Variants in C8orf34 observed in about 807,000 individuals in gnomAD.
The protein encoded by C8orf34 is uncharacterized protein C8orf34.
In C8orf34, 65 loss-of-function variants were observed where a neutral mutation model predicts 68.3. That is an observed-to-expected ratio of 0.95 (90% CI 0.78 to 1.17). C8orf34 has a LOEUF of 1.17. Ranked by LOEUF, C8orf34 falls within the 50% of genes most tolerant of loss-of-function variation. The pLI, the probability that C8orf34 is intolerant of heterozygous loss-of-function variation, is 0.00. For missense variants in C8orf34, 664 were observed against 655.4 expected (o/e 1.01, Z -0.14); for synonymous variants, 244 against 241.2 (o/e 1.01, Z -0.11).
At chr8:68,652,276 T>C (rs1382663593) in intron 8 of C8orf34, among the ~76,000 whole-genome samples, 1 of 152,232 alleles carries the variant, frequency 6.6e-6, no homozygotes, top group Non-Finnish European at 1.5e-5. Context: ...TGTCTTTTAA[T>C]GGTTGAGTTG....
intron 7 of C8orf34, among the ~76,000 whole-genome samples, chr8:68,598,850 G>A (rs888415245): frequency 3.3e-5 from 5 of 152,018 alleles, no homozygotes; most frequent in African/African-American, 1.2e-4. Flanking sequence ...AAGATACAGA[G>A]GACGAGGAAG....
At chr8:68,768,839 G>A (rs1001370834) in intron 10 of C8orf34, among the ~76,000 whole-genome samples, 1 of 151,720 alleles carries the variant, frequency 6.6e-6, no homozygotes, top group Non-Finnish European at 1.5e-5. Flanking sequence ...CCCATACCTA[G>A]GCATTTTGGC....
At chr8:68,603,562 T>C (rs757429163) in intron 7 of C8orf34, among the ~76,000 whole-genome samples, 21 of 103,246 alleles carry the variant, frequency 2.0e-4, no homozygotes, top group Non-Finnish European at 3.3e-4. Flanking sequence ...TCTATCTATC[T>C]ATCTATCTAT....
Position 68,574,511 on chromosome 8 carries a change from T to C in C8orf34, c.1105+41362T>C, listed in dbSNP as rs78447803. The stretch of plus-strand genomic sequence containing the variant: ...ATAGAAAAGGTCATCTCTGCTGTAC[T>C]TCATTGTGCTTTAAAATTTTTGGAA... On this transcript the variant is annotated intron_variant, in intron 7 of 13. Coordinates refer to ENST00000518698, the MANE Select transcript of C8orf34 (RefSeq NM_052958.4). 8.2e-3 allele frequency among the ~76,000 whole-genome samples: 1,248 copies of C among 152,198 alleles called. 21 individuals are homozygous for C. The highest frequency in any genetic ancestry group is 0.028 in the African/African-American group (1,176 of 41,564).
At position 68,686,966 on chromosome 8, in the gene C8orf34, G is replaced by A. The variant is rs531256581; in HGVS notation, c.1242-22028G>A. Among the ~76,000 whole-genome samples the A allele has an allele frequency of 3.3e-5, 5 of 151,324 alleles. No individual in the cohort carries two copies. The East Asian group carries it at 5.9e-4, about 18-fold the overall frequency. Reference sequence around the variant, plus strand: ...CAATGTACACAAGTCAATAGCACTCGACAACAACCAAGCTAAGAATCAAAT... The same window carrying A: ...CAATGTACACAAGTCAATAGCACTCAACAACAACCAAGCTAAGAATCAAAT... On this transcript the variant is annotated intron_variant, in intron 8 of 13. Transcript: ENST00000518698.
chr8:68,561,618 CG>C (rs1200587614), intron 7 of C8orf34, among the ~76,000 whole-genome samples: 1 of 151,876 alleles, frequency 6.6e-6, no homozygotes, highest in Admixed American at 6.6e-5. Context: ...ATTAGCTGGA[CG>C]TGGTGGCAGA....
chr8:68,716,804 A>G (rs575314162), intron 9 of C8orf34, among the ~76,000 whole-genome samples: 1 of 152,206 alleles, frequency 6.6e-6, no homozygotes, highest in African/African-American at 2.4e-5. Context: ...AGTATCATAT[A>G]GCATGAAATA....
chr8:68,618,355 CTTA>C (rs1301306519), intron 7 of C8orf34, among the ~76,000 whole-genome samples: 1 of 151,930 alleles, frequency 6.6e-6, no homozygotes, highest in African/African-American at 2.4e-5. Context: ...GGTTGAACAT[CTTA>C]TTATTATTTT....
At chr8:68,621,867 A>T (rs1161503373) in intron 7 of C8orf34, among the ~76,000 whole-genome samples, 2 of 152,208 alleles carry the variant, frequency 1.3e-5, no homozygotes, top group South Asian at 2.1e-4. Flanking sequence ...GTAATAAATG[A>T]TCATATACTT....
intron 6 of C8orf34, among the ~76,000 whole-genome samples, chr8:68,522,746 T>C: frequency 6.6e-6 from 1 of 151,950 alleles, no homozygotes; most frequent in East Asian, 1.9e-4. Context: ...GTATCTGGGG[T>C]GAAAAATATC....
At chr8:68,615,506 C>T (rs903033702) in intron 7 of C8orf34, among the ~76,000 whole-genome samples, 14 of 152,138 alleles carry the variant, frequency 9.2e-5, no homozygotes, top group Admixed American at 3.9e-4. Flanking sequence ...TGAAGGGTTG[C>T]TGAATTTTGT....
chr8:68,600,995 T>G (rs1817681977), intron 7 of C8orf34, among the ~76,000 whole-genome samples: 1 of 152,148 alleles, frequency 6.6e-6, no homozygotes, highest in African/African-American at 2.4e-5. Context: ...AGCTCCCACA[T>G]ATAAGTGAAA....
At chr8:68,706,205 G>T (rs1321120670) in intron 8 of C8orf34, among the ~76,000 whole-genome samples, 1 of 152,208 alleles carries the variant, frequency 6.6e-6, no homozygotes, top group Non-Finnish European at 1.5e-5. Flanking sequence ...GCGGGAAAAT[G>T]GTGGGTTAAT....
chr8:68,793,227 A>C (rs1177385526), intron 12 of C8orf34, among the ~76,000 whole-genome samples: 1 of 152,208 alleles, frequency 6.6e-6, no homozygotes, highest in Non-Finnish European at 1.5e-5. Context: ...GATTGTATAA[A>C]AATAGTAAAG....
intron 5 of C8orf34, among the ~76,000 whole-genome samples, chr8:68,502,773 A>T (rs1340682290): frequency 5.3e-5 from 8 of 152,232 alleles, no homozygotes; most frequent in Non-Finnish European, 1.0e-4. Flanking sequence ...GTAGTACATT[A>T]ATGGATCTAG....
At chr8:68,479,719 A>G (rs1024274685) in intron 4 of C8orf34, among the ~76,000 whole-genome samples, 2 of 152,182 alleles carry the variant, frequency 1.3e-5, no homozygotes, top group African/African-American at 4.8e-5. Flanking sequence ...AGTTTTCAGG[A>G]TATTAAACTT....
At chr8:68,706,236 C>G (rs530842864) in intron 8 of C8orf34, among the ~76,000 whole-genome samples, 26 of 152,276 alleles carry the variant, frequency 1.7e-4, no homozygotes, top group African/African-American at 6.0e-4. Context: ...AGTCTGCCTT[C>G]GCAGGAGTGA....
At chr8:68,459,656 G>A (rs1811705705) in intron 3 of C8orf34, among the ~76,000 whole-genome samples, 1 of 152,148 alleles carries the variant, frequency 6.6e-6, no homozygotes, top group Non-Finnish European at 1.5e-5. Flanking sequence ...TCCCACTACT[G>A]GGTATCTACC....
At chr8:68,541,025 A>G (rs368564657) in intron 7 of C8orf34, among the ~76,000 whole-genome samples, 47 of 152,250 alleles carry the variant, frequency 3.1e-4, no homozygotes, top group African/African-American at 1.0e-3. Context: ...GACCCTAATT[A>G]TATGATTTAG....
Sources: gnomAD v4.1 joint callset for allele counts (sites outside exome capture counted in the v4.1 genomes callset) on GRCh38, gnomAD v4.1.1 for gene constraint, MANE v1.5 for transcripts, NCBI Gene and HGNC (gene_info 2026-07-23, HGNC 2026-07-21) for gene names.